Variants in TAFA2 observed in about 807,000 individuals in gnomAD.
TAFA2 encodes the protein chemokine-like protein TAFA-2.
A neutral mutation model predicts 18.8 loss-of-function variants in TAFA2; 7 were observed. The observed-to-expected ratio is 0.37, with a 90% confidence interval of 0.21 to 0.70. The LOEUF (loss-of-function observed/expected upper bound fraction) is 0.70. TAFA2 is among the 30% of genes least tolerant of loss of function. TAFA2 has a pLI of 0.53. For missense variants in TAFA2, 122 were observed against 158.1 expected (o/e 0.77, Z 1.23); for synonymous variants, 60 against 54.2 (o/e 1.11, Z -0.47).
intron 1 of TAFA2, among the ~76,000 whole-genome samples, chr12:62,057,535 TA>T (rs1281887519): frequency 6.6e-6 from 1 of 152,150 alleles, no homozygotes; most frequent in Non-Finnish European, 1.5e-5. Flanking sequence ...TGGTTTTTCT[TA>T]TTTTTTGCTT....
chr12:62,090,532 A>G (rs972964126), intron 1 of TAFA2, among the ~76,000 whole-genome samples: 1 of 152,010 alleles, frequency 6.6e-6, no homozygotes, highest in Non-Finnish European at 1.5e-5. Flanking sequence ...GAGTGCCTCA[A>G]GACTGTGAAT....
intron 1 of TAFA2, among the ~76,000 whole-genome samples, chr12:61,974,451 G>T (rs1879360348): frequency 6.6e-6 from 1 of 151,738 alleles, no homozygotes; most frequent in African/African-American, 2.4e-5. Flanking sequence ...TACAACAGAA[G>T]GGGTGGTTGA....
chr12:61,944,245 T>C (rs911092610), intron 1 of TAFA2, among the ~76,000 whole-genome samples: 4 of 150,440 alleles, frequency 2.7e-5, no homozygotes, highest in African/African-American at 9.9e-5. Context: ...AAAGATGTTC[T>C]TTGAAACCAA....
At chr12:62,091,172 T>A (rs1868694984) in intron 1 of TAFA2, among the ~76,000 whole-genome samples, 1 of 152,088 alleles carries the variant, frequency 6.6e-6, no homozygotes, top group Middle Eastern at 3.4e-3. Flanking sequence ...CAGCTTTTCA[T>A]CTAAGTAGTT....
At chr12:62,207,256 G>T (rs2062695604) in intron 1 of TAFA2, 1 of 152,158 alleles carries the variant, frequency 6.6e-6, no homozygotes, top group Non-Finnish European at 1.5e-5. Context: ...TAAACCTGCA[G>T]ACATAAATGA....
chr12:61,886,326 T>C (rs1205030974), intron 1 of TAFA2, among the ~76,000 whole-genome samples: 1 of 152,150 alleles, frequency 6.6e-6, no homozygotes, highest in Non-Finnish European at 1.5e-5. Flanking sequence ...TGACTCCTTT[T>C]CTTGGGTACC....
At chr12:61,744,316 CT>C (rs1205958368) in intron 4 of TAFA2, among the ~76,000 whole-genome samples, 1 of 152,088 alleles carries the variant, frequency 6.6e-6, no homozygotes, top group East Asian at 1.9e-4. Context: ...AGATTAACAC[CT>C]GGCTCAAATA....
At chr12:62,080,976 C>T (rs763003680) in intron 1 of TAFA2, among the ~76,000 whole-genome samples, 2 of 152,134 alleles carry the variant, frequency 1.3e-5, no homozygotes, top group Non-Finnish European at 2.9e-5. Flanking sequence ...GGGCGGATCA[C>T]GAGGTCAGGA....
chr12:62,172,873 T>G (rs1159815333), intron 1 of TAFA2, among the ~76,000 whole-genome samples: 1 of 152,234 alleles, frequency 6.6e-6, no homozygotes. Context: ...TCAAACCACC[T>G]GTGTTCAATT....
In TAFA2 at chr12:61,870,010, G is replaced by A. The variant is rs193131209; in HGVS notation, c.-1-2584C>T. ...TGACCCATCATTTTTCCATACCATT[G>A]TACACCCACCCAATGGGATGACAGA... On this transcript the variant is annotated intron_variant, in intron 1 of 4. Coordinates refer to ENST00000416284, the MANE Select transcript of TAFA2 (RefSeq NM_178539.5). Among the ~76,000 whole-genome samples the A allele has an allele frequency of 1.1e-3, 162 of 152,156 alleles. 1 individual carries two copies. The highest frequency in any genetic ancestry group is 1.9e-3 in the Non-Finnish European group (131 of 67,996).
chr12:61,760,362 CA>C (rs1869482354), intron 2 of TAFA2, among the ~76,000 whole-genome samples: 2 of 69,944 alleles, frequency 2.9e-5, no homozygotes, highest in African/African-American at 1.3e-4. Flanking sequence ...GGAAAAATAT[CA>C]AAATATATAT....
chr12:61,977,202 TGC>T (rs1879470142), intron 1 of TAFA2, among the ~76,000 whole-genome samples: 1 of 152,064 alleles, frequency 6.6e-6, no homozygotes, highest in Non-Finnish European at 1.5e-5. Context: ...GACTCAAGTA[TGC>T]TTTTTGACCT....
At chr12:61,742,168 T>A (rs1480079093) in intron 4 of TAFA2, among the ~76,000 whole-genome samples, 1 of 152,282 alleles carries the variant, frequency 6.6e-6, no homozygotes, top group East Asian at 1.9e-4. Flanking sequence ...GTGCTGGGAT[T>A]ACAGGCATGA....
intron 2 of TAFA2, among the ~76,000 whole-genome samples, chr12:61,776,642 A>G (rs1329705985): frequency 6.6e-6 from 1 of 151,842 alleles, no homozygotes; most frequent in South Asian, 2.1e-4. Context: ...CATATCAGCA[A>G]AAGTGGCCTC....
chr12:62,059,684 G>A (rs1006626787), intron 1 of TAFA2, among the ~76,000 whole-genome samples: 2 of 152,188 alleles, frequency 1.3e-5, no homozygotes, highest in Non-Finnish European at 2.9e-5. Flanking sequence ...GTCAACAGCA[G>A]GAGTCATGAT....
chr12:61,975,932 CATT>C (rs904399832), intron 1 of TAFA2, among the ~76,000 whole-genome samples: 3 of 151,684 alleles, frequency 2.0e-5, no homozygotes, highest in African/African-American at 2.4e-5. Flanking sequence ...GTGATTGATA[CATT>C]AATTAGCTTG....
chr12:61,761,391 A>G (rs1257127240), intron 2 of TAFA2, among the ~76,000 whole-genome samples: 2 of 152,204 alleles, frequency 1.3e-5, no homozygotes, highest in African/African-American at 2.4e-5. Flanking sequence ...TGAACCAACC[A>G]TAAATACATG....
At chr12:61,978,093 T>C (rs1322334663) in intron 1 of TAFA2, among the ~76,000 whole-genome samples, 2 of 152,076 alleles carry the variant, frequency 1.3e-5, no homozygotes, top group Non-Finnish European at 2.9e-5. Context: ...ATGAGCTACA[T>C]GACTCTGTGC....
intron 1 of TAFA2, among the ~76,000 whole-genome samples, chr12:61,919,343 T>A (rs573558659): frequency 2.6e-5 from 4 of 152,282 alleles, no homozygotes; most frequent in Non-Finnish European, 1.5e-5. Flanking sequence ...CTCACTGCCA[T>A]TTCTCTTGCT....
Sources: allele counts gnomAD v4.1 joint callset (sites outside exome capture counted in the v4.1 genomes callset), GRCh38; gene constraint gnomAD v4.1.1; transcripts MANE v1.5; gene names NCBI Gene and HGNC (gene_info 2026-07-23, HGNC 2026-07-21).